The following NEMF variants were observed in gnomAD, a reference collection of about 807,000 sequenced individuals.
NEMF encodes the protein nuclear export mediator factor.
A neutral mutation model predicts 162.2 loss-of-function variants in NEMF; 89 were observed. The ratio of observed to expected loss-of-function variants is 0.55; its 90% CI spans 0.46 to 0.65. The LOEUF (loss-of-function observed/expected upper bound fraction) is 0.65, where lower values mean the gene tolerates loss of function less well. NEMF is among the 30% of genes least tolerant of loss of function. The pLI is 0.00. For missense variants in NEMF, 1,133 were observed against 1,261.9 expected, an observed-to-expected ratio of 0.90 and a Z score of 1.55; for synonymous variants, 421 against 404.5, an observed-to-expected ratio of 1.04 and a Z score of -0.49.
intron 18 of NEMF, among the ~76,000 whole-genome samples, chr14:49,807,776 A>AT (rs931582138): frequency 3.4e-4 from 51 of 150,922 alleles, no homozygotes; most frequent in African/African-American, 1.1e-3. Context: ...ATATATATAT[A>AT]TTTTTTTACT....
At chr14:49,793,687 T>A (rs1373303556) in intron 26 of NEMF, among the ~76,000 whole-genome samples, 2 of 152,242 alleles carry the variant, frequency 1.3e-5, no homozygotes, top group Non-Finnish European at 2.9e-5. Flanking sequence ...TGCAGTATTT[T>A]TTTGCTACTA....
At chr14:49,844,684 TAAA>T (rs1258276324) in intron 4 of NEMF, 1 of 172,210 alleles carries the variant, frequency 5.8e-6, no homozygotes, top group African/African-American at 2.4e-5. Context: ...CAGACCAGAT[TAAA>T]TTTATGTATT....
At chr14:49,829,948 A>C (rs1466441998) in intron 11 of NEMF, among the ~76,000 whole-genome samples, 2 of 152,072 alleles carry the variant, frequency 1.3e-5, no homozygotes, top group Non-Finnish European at 2.9e-5. Flanking sequence ...ATGACTTTGT[A>C]TTTTTTGCTA....
chr14:49,850,905 T>C (rs1893741411), intron 3 of NEMF, among the ~76,000 whole-genome samples: 2 of 152,096 alleles, frequency 1.3e-5, no homozygotes, highest in African/African-American at 4.8e-5. Flanking sequence ...AATTATACTT[T>C]AAAAAAATTA....
chr14:49,806,118 G>T lies in NEMF; in HGVS notation c.1760C>A (p.Pro587Gln). ...IKNPTGEPIP[P>Q]RTLTEAGTMA... ...TGTGCCAGCTTCAGTCAAGGTCCGT[G>T]GGGGGATGGGTTCTCCTAGAATAAC... is the stretch of plus-strand genomic sequence containing the variant. The change falls in exon 19 of 33, where the codon CCA becomes CAA. Residue 587 changes from proline (P) to glutamine (Q), a missense_variant. Physicochemically the swap from Pro to Gln is moderately conservative, Grantham distance 76. This residue lies in a region of NEMF where 532 missense variants were observed against 578.6 expected (regional missense o/e 0.92). Transcript: ENST00000298310. The T allele has an allele frequency of 1.9e-6, 3 of 1,610,634 alleles. No individual in the cohort carries two copies. Among genetic ancestry groups the T allele is most frequent in the Non-Finnish European group, 2.5e-6 (3 of 1,178,610 alleles).
chr14:49,794,455 G>C (rs1162167231), intron 26 of NEMF, among the ~76,000 whole-genome samples: 1 of 151,908 alleles, frequency 6.6e-6, no homozygotes, highest in Non-Finnish European at 1.5e-5. Flanking sequence ...TCTTTATAAA[G>C]ATTATAGCCT....
intron 3 of NEMF, 44 bp from the exon 4 acceptor site, chr14:49,846,309 T>C: frequency 6.3e-7 from 1 of 1,580,372 alleles, no homozygotes; most frequent in Non-Finnish European, 8.6e-7. Context: ...AAAAGTGAAT[T>C]CCTAACCATT....
intron 25 of NEMF, among the ~76,000 whole-genome samples, chr14:49,797,982 G>GGT (rs1298072351): frequency 5.3e-5 from 8 of 152,166 alleles, no homozygotes; most frequent in African/African-American, 1.9e-4. Flanking sequence ...CAGGTTAACT[G>GGT]GTGTGTGTAA....
At chr14:49,803,139 T>C in intron 20 of NEMF, 98 bp downstream of exon 20, 1 of 908,164 alleles carries the variant, frequency 1.1e-6, no homozygotes, top group Non-Finnish European at 1.7e-6. Flanking sequence ...GAAATCCGAG[T>C]AATTTGTTTT....
At chr14:49,793,846 T>C (rs1890563684) in intron 26 of NEMF, among the ~76,000 whole-genome samples, 1 of 152,124 alleles carries the variant, frequency 6.6e-6, no homozygotes, top group Non-Finnish European at 1.5e-5. Flanking sequence ...GACAATGTAG[T>C]ATCTATTAAT....
At chr14:49,851,712 C>G (rs772900156) in intron 2 of NEMF, 47 bp from the exon 3 acceptor site, 6 of 1,519,948 alleles carry the variant, frequency 3.9e-6, no homozygotes, top group Non-Finnish European at 4.6e-6. Flanking sequence ...TATGCCAAAG[C>G]TAATTGCTAA....
intron 25 of NEMF, among the ~76,000 whole-genome samples, chr14:49,798,257 A>G (rs1466472428): frequency 6.6e-6 from 1 of 152,236 alleles, no homozygotes; most frequent in East Asian, 1.9e-4. Context: ...AATGTGCCAC[A>G]TTTTTGTTTT....
In NEMF at chr14:49,835,335, T is replaced by C. The variant is rs79378353; in HGVS notation, c.575-886A>G. Among the ~76,000 whole-genome samples the C allele has an allele frequency of 5.0e-3, 768 of 152,348 alleles. 7 individuals are homozygous for C. The highest frequency in any genetic ancestry group is 0.018 in the African/African-American group (732 of 41,572). ...ATGGGCTTCAACCACAATGAGGATT[T>C]ATCCCTGGAATGCAAGGTTGGTTTG... On this transcript the variant is annotated intron_variant, in intron 6 of 32. Transcript: ENST00000298310.
chr14:49,812,273 A>C (rs1891515070), intron 18 of NEMF, among the ~76,000 whole-genome samples: 1 of 151,994 alleles, frequency 6.6e-6, no homozygotes, highest in Admixed American at 6.6e-5. Context: ...TCCCTATTTC[A>C]TTCCTGATTT....
chr14:49,797,637 A>AAAAAAAC (rs1252530405), intron 25 of NEMF, among the ~76,000 whole-genome samples: 1 of 152,208 alleles, frequency 6.6e-6, no homozygotes, highest in Non-Finnish European at 1.5e-5. Flanking sequence ...CTCCGTCTCA[A>AAAAAAAC]AAAAAACAAA....
rs149749318 is a variant in NEMF at position 49,843,126 on chromosome 14, A to G, written c.358-2260T>C. ...ATCAGATTAGATAAAGAGCTCTAAG[A>G]GATCATATCAAATGTTGCTAAGGAT... On this transcript the variant is annotated intron_variant, in intron 4 of 32. Coordinates refer to ENST00000298310, the MANE Select transcript of NEMF (RefSeq NM_004713.6). Among the ~76,000 whole-genome samples, 819 of 152,312 alleles carry G rather than the reference A, an allele frequency of 5.4e-3. 11 individuals carry two copies. Among genetic ancestry groups the G allele is most frequent in the African/African-American group, 0.019 (779 of 41,586 alleles).
At chr14:49,838,070 G>A in intron 6 of NEMF, 69 bp downstream of exon 6, 5 of 1,214,824 alleles carry the variant, frequency 4.1e-6, no homozygotes, top group Non-Finnish European at 5.9e-6. Flanking sequence ...AACCATAAAA[G>A]ATTTCAATAT....
chr14:49,789,478 T>C lies in NEMF; in HGVS notation c.2697+18A>G, dbSNP rs1259476558. On this transcript the variant is annotated intron_variant, in intron 27 of 32. Transcript: ENST00000298310. ...CATTTGAAAAGCAAAAGAAAAAATG[T>C]TTTTAGATGTTATTTACCCCCAGCA... 6.2e-7 allele frequency: 1 copy of C among 1,611,108 alleles called. No individual in the cohort carries two copies. The highest frequency in any genetic ancestry group is 1.3e-5 in the African/African-American group (1 of 74,692).
chr14:49,798,800 G>A (rs942708399), intron 25 of NEMF, among the ~76,000 whole-genome samples: 2 of 151,976 alleles, frequency 1.3e-5, no homozygotes, highest in East Asian at 1.9e-4. Flanking sequence ...CCAGCTACTC[G>A]GGAGGCTGAG....
Sources: gnomAD v4.1 joint callset for allele counts (sites outside exome capture counted in the v4.1 genomes callset) on GRCh38, gnomAD v4.1.1 for gene constraint, gnomAD v4.1.1 regional missense constraint, MANE v1.5 for transcripts, NCBI Gene and HGNC (gene_info 2026-07-23, HGNC 2026-07-21) for gene names.